SLC24A2: variants seen among roughly 807,000 people sequenced by gnomAD.
SLC24A2 encodes the protein solute carrier family 24 member 2.
Under a neutral mutation model 62.0 loss-of-function variants are expected in SLC24A2, and 36 were observed. That is an observed-to-expected ratio of 0.58 (90% CI 0.44 to 0.77). The LOEUF is 0.77. SLC24A2 is among the 30% of genes least tolerant of loss of function. The probability of loss-of-function intolerance (pLI) is 0.00; values close to 1 mark genes in which losing one functional copy is unlikely to be tolerated. For missense variants in SLC24A2, 846 were observed against 817.9 expected (o/e 1.03, Z -0.42); for synonymous variants, 358 against 294.0 (o/e 1.22, Z -2.23).
At chr9:20,176,499 C>G in the SLC24A2 span, among the ~76,000 whole-genome samples, 1 of 151,968 alleles carries the variant, frequency 6.6e-6, no homozygotes, top group African/African-American at 2.4e-5. Context: ...GAAATGTAGT[C>G]ATTAAAATAA....
chr9:19,843,567 T>C, the SLC24A2 span, among the ~76,000 whole-genome samples: 1 of 152,178 alleles, frequency 6.6e-6, no homozygotes, highest in Non-Finnish European at 1.5e-5. Context: ...TGTGCATATT[T>C]GTTGTGTGGG....
At chr9:19,528,192 T>C (rs2132660138) in intron 8 of SLC24A2, 54 bp from the exon 9 acceptor site, 8 of 1,197,650 alleles carry the variant, frequency 6.7e-6, no homozygotes, top group Admixed American at 3.9e-5. Flanking sequence ...TTGAGACTGA[T>C]CTGGAAATCC....
the SLC24A2 span, among the ~76,000 whole-genome samples, chr9:19,971,278 T>C: frequency 6.6e-6 from 1 of 152,174 alleles, no homozygotes; most frequent in Non-Finnish European, 1.5e-5. Flanking sequence ...CTAGCATGCC[T>C]TCCAGATGCA....
At chr9:19,816,300 A>G in the SLC24A2 span, among the ~76,000 whole-genome samples, 302 of 152,158 alleles carry the variant, frequency 2.0e-3, 9 homozygotes, top group East Asian at 0.054. Context: ...CAAGCAGGGG[A>G]AAGAAAGATA....
chr9:19,684,493 C>T (rs1819819649), intron 2 of SLC24A2, among the ~76,000 whole-genome samples: 1 of 151,926 alleles, frequency 6.6e-6, no homozygotes, highest in African/African-American at 2.4e-5. Context: ...GAGAGCAGTA[C>T]CTTAAAGACC....
At chr9:20,099,793 G>C in the SLC24A2 span, among the ~76,000 whole-genome samples, 1 of 151,988 alleles carries the variant, frequency 6.6e-6, no homozygotes, top group Admixed American at 6.5e-5. Context: ...GTAGAAAATA[G>C]CTGCAATACA....
At chr9:19,558,929 T>A (rs548915783) in intron 7 of SLC24A2, among the ~76,000 whole-genome samples, 13 of 152,330 alleles carry the variant, frequency 8.5e-5, no homozygotes, top group Admixed American at 2.0e-4. Context: ...GAGAGTGTCT[T>A]ACCTAATTGC....
At chr9:20,181,086 G>C in the SLC24A2 span, among the ~76,000 whole-genome samples, 2 of 151,970 alleles carry the variant, frequency 1.3e-5, no homozygotes, top group East Asian at 1.9e-4. Flanking sequence ...CTTGGCATTC[G>C]AGAGAAAACT....
chr9:20,049,414 A>C, the SLC24A2 span, among the ~76,000 whole-genome samples: 16 of 152,270 alleles, frequency 1.1e-4, no homozygotes, highest in African/African-American at 3.9e-4. Flanking sequence ...AGTTTACTAA[A>C]TAGTATACTA....
chr9:19,750,818 T>C (rs1393197209), intron 2 of SLC24A2, among the ~76,000 whole-genome samples: 1 of 152,122 alleles, frequency 6.6e-6, no homozygotes, highest in Non-Finnish European at 1.5e-5. Flanking sequence ...ACCGGCCAGG[T>C]GTCTGCCATC....
At chr9:19,974,786 G>T in the SLC24A2 span, among the ~76,000 whole-genome samples, 3 of 152,182 alleles carry the variant, frequency 2.0e-5, no homozygotes, top group African/African-American at 7.2e-5. Context: ...AGCACTAAAT[G>T]AAACTAGGTC....
the SLC24A2 span, among the ~76,000 whole-genome samples, chr9:20,272,799 T>C: frequency 6.6e-6 from 1 of 152,118 alleles, no homozygotes; most frequent in African/African-American, 2.4e-5. Context: ...AAAAGAGGTT[T>C]ATTAGGAGAT....
chr9:19,816,924 C>T, the SLC24A2 span, among the ~76,000 whole-genome samples: 1 of 152,082 alleles, frequency 6.6e-6, no homozygotes, highest in Admixed American at 6.6e-5. Context: ...GACAAACATA[C>T]AAACTATATC....
In SLC24A2 at chr9:19,558,537, C is replaced by T. The variant is rs551148273; in HGVS notation, c.1348-8269G>A. On this transcript the variant is annotated intron_variant, in intron 7 of 10. Transcript: ENST00000341998. ...CCTGATTCCCATAACTGTGGATAAT[C>T]TTGGTCTGGCTACTTCTAAAATGGA... is the stretch of plus-strand genomic sequence containing the variant. Among the ~76,000 whole-genome samples, 3 of 152,252 alleles carry T rather than the reference C, an allele frequency of 2.0e-5. No individual in the cohort carries two copies. In the South Asian group the frequency reaches 6.2e-4, roughly 32 times the overall value.
At chr9:19,741,979 A>G (rs1419107489) in intron 2 of SLC24A2, among the ~76,000 whole-genome samples, 1 of 152,224 alleles carries the variant, frequency 6.6e-6, no homozygotes, top group East Asian at 1.9e-4. Context: ...ATAGTATGCA[A>G]TGGGACAATT....
chr9:19,808,794 A>AC, the SLC24A2 span, among the ~76,000 whole-genome samples: 1 of 152,038 alleles, frequency 6.6e-6, no homozygotes. The surrounding 1 kb of genome is among the most constrained non-coding windows in gnomAD (Gnocchi z 4.1). Flanking sequence ...TTATGGGCTG[A>AC]CCCCTCCTCT....
chr9:20,108,194 A>T, the SLC24A2 span, among the ~76,000 whole-genome samples: 201 of 152,248 alleles, frequency 1.3e-3, 1 homozygote, highest in Non-Finnish European at 2.1e-3. Flanking sequence ...AATTTCAGGA[A>T]ACAACAGGTA....
At chr9:19,800,506 T>C in the SLC24A2 span, among the ~76,000 whole-genome samples, 1 of 152,236 alleles carries the variant, frequency 6.6e-6, no homozygotes, top group Non-Finnish European at 1.5e-5. Flanking sequence ...TCTTTCTCAC[T>C]GTTAGTTACA....
intron 2 of SLC24A2, among the ~76,000 whole-genome samples, chr9:19,679,769 G>A (rs566559312): frequency 6.6e-6 from 1 of 151,906 alleles, no homozygotes; most frequent in South Asian, 2.1e-4. Context: ...CTTGCAGATG[G>A]CAAAACTGGG....
Sources: allele counts gnomAD v4.1 joint callset (sites outside exome capture counted in the v4.1 genomes callset), GRCh38; gene constraint gnomAD v4.1.1; non-coding constraint Gnocchi (gnomAD v3.1); transcripts MANE v1.5; gene names NCBI Gene and HGNC (gene_info 2026-07-23, HGNC 2026-07-21).